Variants in PABPC4 observed in about 807,000 individuals in gnomAD.
The protein encoded by PABPC4 is poly(A) binding protein cytoplasmic 4, also known as polyadenylate-binding protein 4.
PABPC4 carries 15 observed loss-of-function variants against 74.5 expected under a neutral mutation model. That is an observed-to-expected ratio of 0.20 (90% CI 0.13 to 0.31). PABPC4 has a LOEUF of 0.31. PABPC4 is among the 10% of genes least tolerant of loss of function. The pLI is 1.00. For synonymous variants in PABPC4, 345 were observed against 303.0 expected (o/e 1.14, Z -1.44); for missense variants, 610 against 853.5 (o/e 0.71, Z 3.55).
intron 3 of PABPC4, chr1:39,571,022 G>A: frequency 7.0e-7 from 1 of 1,421,214 alleles, no homozygotes; most frequent in South Asian, 1.4e-5. Context: ...GAGGCGGCAG[G>A]CAGGCCATGG....
chr1:39,573,825 A>C (rs541635653), intron 1 of PABPC4, among the ~76,000 whole-genome samples: 1 of 152,150 alleles, frequency 6.6e-6, no homozygotes, highest in Non-Finnish European at 1.5e-5. Flanking sequence ...GTCTCAAAAC[A>C]AACAACAACA....
chr1:39,564,819 C>T (rs773983627), intron 8 of PABPC4, 46 bp from the exon 9 acceptor site: 19 of 1,421,836 alleles, frequency 1.3e-5, no homozygotes, highest in Admixed American at 1.7e-5. Context: ...GGACTGAACC[C>T]ATCCTAGAGA....
Position 39,575,958 on chromosome 1 carries a change from GC to G in PABPC4, c.-8del. 7 of 1,528,382 alleles carry G rather than the reference GC, an allele frequency of 4.6e-6. No individual in the cohort carries two copies. The highest frequency in any genetic ancestry group is 1.4e-5 in the African/African-American group (1 of 71,828). 94.7% of individuals were successfully genotyped at this position (1,528,382 alleles called of 1,614,324 possible). On this transcript the variant is annotated 5_prime_UTR_variant, in exon 1 of 16. Coordinates refer to ENST00000372858, the MANE Select transcript of PABPC4 (RefSeq NM_001135653.2). ...TGCTGGCCGCAGCGTTCATCTCCCC[GC>G]CCCCCACCACCCCGAGCCCCGCCAG...
chr1:39,570,015 C>G lies in PABPC4; in HGVS notation c.504-13G>C. The G allele has an allele frequency of 6.2e-7, 1 of 1,610,626 alleles. No homozygotes were observed. Among genetic ancestry groups the G allele is most frequent in the Non-Finnish European group, 8.5e-7 (1 of 1,178,516 alleles). ...TCTGCCCACAAATCTAAAATGAAAC[C>G]ATGAAGAACAGTAATTACCCAGAGG... On this transcript the variant is annotated splice_polypyrimidine_tract_variant and intron_variant, in intron 3 of 15. Coordinates refer to ENST00000372858, the MANE Select transcript of PABPC4 (RefSeq NM_001135653.2).
chr1:39,571,456 T>C (rs1407362735), intron 2 of PABPC4, 107 bp from the exon 3 acceptor site: 7 of 1,334,740 alleles, frequency 5.2e-6, no homozygotes, highest in Non-Finnish European at 7.4e-6. Flanking sequence ...CCATGGCCAA[T>C]GGTGGTCAAG....
Position 39,575,747 on chromosome 1 carries a change from G to A in PABPC4, c.193+12C>T. 6.3e-7 allele frequency: 1 copy of A among 1,579,288 alleles called. No homozygotes were observed. The highest frequency in any genetic ancestry group is 8.6e-7 in the Non-Finnish European group (1 of 1,159,858). ...GGGCTCCCACGCACGTGTGGGCACA[G>A]CTTCTACTCACCGTCGGCCGGCTGC... On this transcript the variant is annotated intron_variant, in intron 1 of 15. Coordinates refer to ENST00000372858, the MANE Select transcript of PABPC4 (RefSeq NM_001135653.2).
chr1:39,563,360 C>T (rs931238296), intron 12 of PABPC4: 3 of 452,920 alleles, frequency 6.6e-6, no homozygotes, highest in African/African-American at 4.0e-5. Flanking sequence ...CACATTATTT[C>T]GTACAAACAG....
chr1:39,573,776 G>A (rs980886663), intron 1 of PABPC4, among the ~76,000 whole-genome samples: 7 of 152,128 alleles, frequency 4.6e-5, no homozygotes, highest in East Asian at 1.9e-4. Context: ...CTGAGATCGC[G>A]CCATTGCACT....
chr1:39,571,460 G>T, intron 2 of PABPC4, 111 bp from the exon 3 acceptor site: 1 of 1,243,158 alleles, frequency 8.0e-7, no homozygotes, highest in Non-Finnish European at 1.2e-6. Flanking sequence ...GGCCAATGGT[G>T]GTCAAGTACA....
intron 7 of PABPC4, 35 bp downstream of exon 7, chr1:39,567,716 C>T: frequency 3.0e-6 from 3 of 1,000,238 alleles, no homozygotes; most frequent in Non-Finnish European, 4.8e-6. Flanking sequence ...TAATGGAATA[C>T]CACTGCTTTC....
At position 39,562,350 on chromosome 1, in the gene PABPC4, G is replaced by T; in HGVS notation, c.1735C>A (p.Pro579Thr). 2 of 1,614,078 alleles carry T rather than the reference G, an allele frequency of 1.2e-6. No homozygotes were observed. Among genetic ancestry groups the T allele is most frequent in the Non-Finnish European group, 8.5e-7 (1 of 1,180,012 alleles). Residue 579 changes from proline to threonine, a missense_variant, in exon 13 of 16, where the codon CCC becomes ACC. Around this residue, in one of 4 missense-constraint regions of PABPC4, gnomAD observed 277 missense variants for 301.8 expected, o/e 0.92. Transcript: ENST00000372858. ...PLTASMLAAAPPQEQKQMLGE... is the reference protein window; with the variant it reads ...PLTASMLAAATPQEQKQMLGE... Reference sequence around the variant, plus strand: ...AGCATCTGCTTCTGTTCCTGGGGGGGTGCTGCAGCCAGCATGGAGGCAGTC... The same window carrying T: ...AGCATCTGCTTCTGTTCCTGGGGGGTTGCTGCAGCCAGCATGGAGGCAGTC...
At chr1:39,567,881 A>G (rs1308980270) in intron 6 of PABPC4, 35 bp from the exon 7 acceptor site, 31 of 1,171,836 alleles carry the variant, frequency 2.6e-5, no homozygotes, top group African/African-American at 4.5e-5. Context: ...CTACACTTCT[A>G]TATCACAAAT....
At chr1:39,569,528 G>C in intron 5 of PABPC4, 67 bp downstream of exon 5, 2 of 1,127,778 alleles carry the variant, frequency 1.8e-6, no homozygotes, top group Non-Finnish European at 2.7e-6. Context: ...GTAGGTGCTA[G>C]CAAGACCCTA....
intron 5 of PABPC4, 90 bp downstream of exon 5, chr1:39,569,505 G>A (rs545711735): frequency 1.2e-4 from 106 of 872,192 alleles, no homozygotes; most frequent in African/African-American, 2.5e-4. Flanking sequence ...TACTCAGACC[G>A]TCCCAGCTCT....
chr1:39,561,653 A>T (rs1233942484), intron 15 of PABPC4, 32 bp downstream of exon 15: 2 of 1,471,464 alleles, frequency 1.4e-6, no homozygotes, highest in Non-Finnish European at 1.9e-6. Flanking sequence ...AACAATGCTC[A>T]TAGGAACAAA....
chr1:39,571,077 G>A, intron 3 of PABPC4, 157 bp downstream of exon 3: 1 of 1,517,328 alleles, frequency 6.6e-7, no homozygotes, highest in Non-Finnish European at 8.8e-7. Flanking sequence ...GGCTGCCACG[G>A]CTCAGGCAGG....
At chr1:39,567,452 G>C (rs533139812) in intron 7 of PABPC4, 9 of 551,424 alleles carry the variant, frequency 1.6e-5, no homozygotes, top group Non-Finnish European at 3.2e-5. Flanking sequence ...TCATTCTGTA[G>C]CACCATCTGT....
chr1:39,563,526 C>T (rs764643591), intron 12 of PABPC4, 88 bp downstream of exon 12: 173 of 1,485,954 alleles, frequency 1.2e-4, no homozygotes, highest in Non-Finnish European at 1.5e-4. Flanking sequence ...GCATTTAATA[C>T]CTGTTGAAGG....
intron 9 of PABPC4, 71 bp downstream of exon 9, chr1:39,564,615 G>A (rs1645808919): frequency 6.2e-7 from 1 of 1,610,484 alleles, no homozygotes; most frequent in African/African-American, 1.3e-5. Flanking sequence ...TCAGAGTGGG[G>A]AAGAAGGAAA....
Sources: allele counts gnomAD v4.1 joint callset (sites outside exome capture counted in the v4.1 genomes callset), GRCh38; gene constraint gnomAD v4.1.1; regional missense constraint gnomAD v4.1.1; transcripts MANE v1.5; gene names NCBI Gene and HGNC (gene_info 2026-07-23, HGNC 2026-07-21).